TRIP11: variants seen among roughly 807,000 people sequenced by gnomAD.
The protein encoded by TRIP11 is thyroid receptor-interacting protein 11.
In TRIP11, 148 loss-of-function variants were observed where a neutral mutation model predicts 223.1. That is an observed-to-expected ratio of 0.66 (90% CI 0.58 to 0.76). The LOEUF (loss-of-function observed/expected upper bound fraction) is 0.76. TRIP11 is among the 30% of genes least tolerant of loss of function. TRIP11 has a pLI of 0.00. For synonymous variants in TRIP11, 762 were observed against 772.6 expected, an observed-to-expected ratio of 0.99 and a Z score of 0.23; for missense variants, 2,043 against 2,222.0, an observed-to-expected ratio of 0.92 and a Z score of 1.62.
chr14:92,032,179 T>C (rs1260111558), intron 2 of TRIP11, among the ~76,000 whole-genome samples: 2 of 152,030 alleles, frequency 1.3e-5, no homozygotes, highest in Non-Finnish European at 1.5e-5. Flanking sequence ...ATGGAGTTTT[T>C]CTCTGTCACT....
In TRIP11 at chr14:91,966,445, A is replaced by C. The variant is rs965663488; in HGVS notation, c.*3228T>G. 5.2e-6 allele frequency: 1 copy of C among 191,526 alleles called. No homozygotes were observed. The highest frequency in any genetic ancestry group is 6.1e-5 in the Admixed American group (1 of 16,324). The allele number at this position is 191,526 out of a possible 1,614,324, so 11.9% of individuals were successfully genotyped here. The stretch of plus-strand genomic sequence containing the variant: ...TCATTATCTTTAAATATCAGGTCCA[A>C]ATGCTTTTAAGTTTGATGGATAATA... On this transcript the variant is annotated 3_prime_UTR_variant, in exon 21 of 21. Coordinates refer to ENST00000267622, the MANE Select transcript of TRIP11 (RefSeq NM_004239.4).
chr14:92,031,046 T>G (rs1207367419), intron 2 of TRIP11, among the ~76,000 whole-genome samples: 2 of 152,070 alleles, frequency 1.3e-5, no homozygotes, highest in Non-Finnish European at 2.9e-5. Flanking sequence ...AGCCAGGAGT[T>G]TGAGACCAGC....
intron 17 of TRIP11, 92 bp downstream of exon 17, chr14:91,976,016 A>C: frequency 8.1e-7 from 1 of 1,237,894 alleles, no homozygotes. Context: ...TGAAAAATTT[A>C]ATCACATATA....
chr14:91,975,690 AC>A (rs1285176086), intron 17 of TRIP11, among the ~76,000 whole-genome samples: 1 of 152,078 alleles, frequency 6.6e-6, no homozygotes, highest in African/African-American at 2.4e-5. Context: ...TTAAAAATTT[AC>A]TAATAATATA....
chr14:91,983,669 C>T (rs2056570492), intron 16 of TRIP11, among the ~76,000 whole-genome samples: 1 of 152,082 alleles, frequency 6.6e-6, no homozygotes, highest in Non-Finnish European at 1.5e-5. Context: ...ATTTTTTAAC[C>T]ATTTATGGCA....
At chr14:92,030,482 G>C (rs991871859) in intron 2 of TRIP11, 6 of 152,076 alleles carry the variant, frequency 3.9e-5, no homozygotes, top group Non-Finnish European at 7.3e-5. Flanking sequence ...CTACCTCCCA[G>C]GTTCAAGTGA....
intron 11 of TRIP11, 83 bp from the exon 12 acceptor site, chr14:92,000,191 A>T: frequency 6.3e-7 from 1 of 1,581,240 alleles, no homozygotes; most frequent in Non-Finnish European, 8.6e-7. Flanking sequence ...CTCAATTATT[A>T]ATTCATTTAA....
rs2056924570 is a variant in TRIP11, at chr14:92,007,832, A to G, written c.1335T>C (p.Leu445=). 1 of 1,610,736 alleles carries G rather than the reference A, an allele frequency of 6.2e-7. No individual in the cohort carries two copies. The highest frequency in any genetic ancestry group is 1.3e-5 in the African/African-American group (1 of 75,042). ...CTTCATATTCATTGTTCAATTTTAA[A>G]AGTGACATCTGAAGTTCTTCCTGAA... is the stretch of plus-strand genomic sequence containing the variant. ...SQEKEELQMS[L]LKLNNEYEVI... Residue 445 remains leucine (L), a synonymous_variant, in exon 10 of 21, where the codon CTT becomes CTC. Coordinates refer to ENST00000267622, the MANE Select transcript of TRIP11 (RefSeq NM_004239.4).
chr14:92,011,844 T>G, intron 7 of TRIP11, 49 bp from the exon 8 acceptor site: 1 of 1,562,256 alleles, frequency 6.4e-7, no homozygotes, highest in East Asian at 2.3e-5. Flanking sequence ...TAGAGTAACT[T>G]ATTATCTTCA....
Position 92,006,464 on chromosome 14 carries a change from G to C in TRIP11, c.1528-16C>G. On this transcript the variant is annotated splice_polypyrimidine_tract_variant and intron_variant, in intron 10 of 20. Coordinates refer to ENST00000267622, the MANE Select transcript of TRIP11 (RefSeq NM_004239.4). ...AAATCATGTGCTGAAAGAAAAATTT[G>C]CATGGTGACTTTACAACATGTTCTC... 1 of 1,610,596 alleles carries C rather than the reference G, an allele frequency of 6.2e-7. No individual in the cohort carries two copies. The highest frequency in any genetic ancestry group is 8.5e-7 in the Non-Finnish European group (1 of 1,179,510).
rs2140075251 is a variant in TRIP11, at chr14:91,967,912, T to C, written c.*1761A>G. The C allele has an allele frequency of 9.9e-6, 2 of 201,026 alleles. No homozygotes were observed. Among genetic ancestry groups the C allele is most frequent in the Admixed American group, 1.2e-4 (2 of 16,714 alleles). The allele number at this position is 201,026 out of a possible 1,614,324, so 12.5% of individuals were successfully genotyped here. A position where few individuals can be genotyped will look rare whatever the true frequency, so the allele number is the denominator to read the frequency against. On this transcript the variant is annotated 3_prime_UTR_variant, in exon 21 of 21. Coordinates refer to ENST00000267622, the MANE Select transcript of TRIP11 (RefSeq NM_004239.4). ...CAAAAACCAAGAGGCAGTTTGACAG[T>C]TCTAATATAGAACTTGCATGACAAC...
chr14:92,033,824 T>C (rs1002587432), intron 1 of TRIP11, among the ~76,000 whole-genome samples: 1 of 152,216 alleles, frequency 6.6e-6, no homozygotes, highest in Non-Finnish European at 1.5e-5. Context: ...TGTTTTTTTG[T>C]AGTGCTTATC....
intron 1 of TRIP11, among the ~76,000 whole-genome samples, chr14:92,034,626 G>T (rs2057304317): frequency 6.6e-6 from 1 of 152,082 alleles, no homozygotes; most frequent in South Asian, 2.1e-4. Flanking sequence ...AGCTCAGTCT[G>T]GTTTTCTACA....
In TRIP11 at chr14:91,994,632, G is replaced by C. The variant is rs576302337; in HGVS notation, c.5056+720C>G. 3.3e-5 allele frequency among the ~76,000 whole-genome samples: 5 copies of C among 152,342 alleles called. No homozygotes were observed. The East Asian group carries it at 9.6e-4, about 29-fold the overall frequency. ...GTTTTGCTTAGGCATAAAACTACAA[G>C]TCCTTGTTACTTCCTCATTCTCATA... On this transcript the variant is annotated intron_variant, in intron 14 of 20. Transcript: ENST00000267622.
At chr14:92,019,073 T>C (rs996114293) in intron 4 of TRIP11, among the ~76,000 whole-genome samples, 1 of 151,844 alleles carries the variant, frequency 6.6e-6, no homozygotes, top group African/African-American at 2.4e-5. Flanking sequence ...ATAATACATA[T>C]GGAAACATAA....
chr14:92,020,695 T>A (rs1026504207), intron 4 of TRIP11, among the ~76,000 whole-genome samples: 17 of 151,960 alleles, frequency 1.1e-4, no homozygotes, highest in Non-Finnish European at 1.6e-4. Flanking sequence ...TGCTTTTTTT[T>A]GAAAATTTTT....
intron 3 of TRIP11, 61 bp downstream of exon 3, chr14:92,025,249 T>C (rs1294951634): frequency 3.1e-6 from 4 of 1,291,356 alleles, no homozygotes; most frequent in Non-Finnish European, 4.5e-6. Context: ...ATTCTAACTC[T>C]AAAAACATAC....
chr14:92,021,418 C>A, intron 4 of TRIP11, 138 bp downstream of exon 4: 14 of 743,422 alleles, frequency 1.9e-5, no homozygotes, highest in Non-Finnish European at 2.6e-5. Context: ...AAGAAAGTCA[C>A]TGACGGAATT....
chr14:92,006,310 C>T lies in TRIP11; in HGVS notation c.1666G>A (p.Glu556Lys). The change falls in exon 11 of 21, where the codon GAG (glutamate) becomes AAG (lysine). Residue 556 changes from glutamate to lysine, a missense_variant. Glu to Lys is a moderately conservative substitution (Grantham distance 56). Coordinates refer to ENST00000267622, the MANE Select transcript of TRIP11 (RefSeq NM_004239.4). ...AGCTTTTCTTTCTGTACATCTAACT[C>T]TTTAGTAATGTCCATTTTATCATCT... Reference protein sequence around the residue: ...LEDDKMDITKELDVQKEKLIQ... With the variant: ...LEDDKMDITKKLDVQKEKLIQ... The T allele has an allele frequency of 1.2e-6, 2 of 1,610,870 alleles. No homozygotes were observed. The highest frequency in any genetic ancestry group is 2.2e-5 in the East Asian group (1 of 44,690).
Sources: gnomAD v4.1 joint callset for allele counts (sites outside exome capture counted in the v4.1 genomes callset) on GRCh38, gnomAD v4.1.1 for gene constraint, MANE v1.5 for transcripts, NCBI Gene and HGNC (gene_info 2026-07-23, HGNC 2026-07-21) for gene names.